ABCC5: variants seen among roughly 807,000 people sequenced by gnomAD.
The protein encoded by ABCC5 is ATP-binding cassette sub-family C member 5.
In ABCC5, 61 loss-of-function variants were observed where a neutral mutation model predicts 160.9. The observed-to-expected ratio is 0.38, with a 90% CI of 0.31 to 0.47. The LOEUF (loss-of-function observed/expected upper bound fraction) is 0.47. Among genes scored for constraint, ABCC5 ranks in the 20% least tolerant of loss-of-function variants. The probability of loss-of-function intolerance (pLI) is 0.99; values close to 1 mark genes in which losing one functional copy is unlikely to be tolerated. For synonymous variants in ABCC5, 666 were observed against 700.6 expected (o/e 0.95, Z 0.78); for missense variants, 1,308 against 1,813.3 (o/e 0.72, Z 5.06).
chr3:184,015,332 CA>C (rs1722099727), intron 1 of ABCC5, among the ~76,000 whole-genome samples: 1 of 152,138 alleles, frequency 6.6e-6, no homozygotes, highest in Non-Finnish European at 1.5e-5. Context: ...CATACTTCTC[CA>C]AAATGTTTCC....
At chr3:183,926,927 C>T (rs555153924) in intron 28 of ABCC5, among the ~76,000 whole-genome samples, 17 of 152,118 alleles carry the variant, frequency 1.1e-4, no homozygotes, top group African/African-American at 4.1e-4. Flanking sequence ...CGCCTGTAAT[C>T]CCAGCTACTC....
chr3:183,972,132 T>A, intron 10 of ABCC5: 5 of 860,096 alleles, frequency 5.8e-6, no homozygotes, highest in Non-Finnish European at 9.3e-6. Flanking sequence ...AGGGGCCTTA[T>A]CAATGACCCA....
At chr3:183,953,291 C>T in intron 17 of ABCC5, 21 bp from the exon 18 acceptor site, 1 of 1,580,758 alleles carries the variant, frequency 6.3e-7, no homozygotes, top group East Asian at 2.2e-5. Flanking sequence ...AAAAAAGAAA[C>T]ATGGACTCAG....
chr3:183,999,690 G>A (rs1486891659), intron 2 of ABCC5, among the ~76,000 whole-genome samples: 1 of 152,058 alleles, frequency 6.6e-6, no homozygotes, highest in Admixed American at 6.6e-5. Context: ...AAGGCAGGAG[G>A]ATCGCTTGAT....
chr3:183,963,490 G>T lies in ABCC5; in HGVS notation c.2130C>A (p.Asp710Glu). 6.2e-7 allele frequency: 1 copy of T among 1,614,238 alleles called. No individual in the cohort carries two copies. The highest frequency in any genetic ancestry group is 8.5e-7 in the Non-Finnish European group (1 of 1,180,042). The stretch of plus-strand genomic sequence containing the variant: ...CATGGGCATCTAAGGCACTGAGGGG[G>T]TCGTCCAGGATGTAGATGCTCCTGT... ...YSDRSIYILD[D>E]PLSALDAHVG... The change falls in exon 15 of 30, where the codon GAC becomes GAA. Residue 710 changes from aspartate to glutamate, a missense_variant. By Grantham distance (45) the Asp-to-Glu change is conservative (BLOSUM62 2). Around this residue, in one of 3 missense-constraint regions of ABCC5, gnomAD observed 1,142 missense variants for 1,527.1 expected, o/e 0.75. Transcript: ENST00000334444. This position sits in a 1 kb window ranked among gnomAD's most constrained non-coding sequence, Gnocchi z 4.6.
intron 16 of ABCC5, among the ~76,000 whole-genome samples, chr3:183,960,255 C>T (rs1352294858): frequency 6.6e-6 from 1 of 152,194 alleles, no homozygotes; most frequent in Non-Finnish European, 1.5e-5. Context: ...ATATTCTGGC[C>T]CTGCCCTAAT....
intron 26 of ABCC5, among the ~76,000 whole-genome samples, chr3:183,932,240 C>A (rs1713246559): frequency 6.6e-6 from 1 of 152,118 alleles, no homozygotes; most frequent in African/African-American, 2.4e-5. Flanking sequence ...AAATCTTATT[C>A]TGAGGTATGC....
intron 29 of ABCC5, among the ~76,000 whole-genome samples, chr3:183,922,990 C>T (rs56231354): frequency 0.033 from 4,995 of 152,254 alleles, 117 homozygotes; most frequent in Middle Eastern, 0.061. Context: ...CTCCAAACCC[C>T]TTTTAGTCTG....
Position 183,952,139 on chromosome 3 carries a change from C to T in ABCC5, c.2668-136G>A, listed in dbSNP as rs1169705491. On this transcript the variant is annotated intron_variant, in intron 18 of 29. Coordinates refer to ENST00000334444, the MANE Select transcript of ABCC5 (RefSeq NM_005688.4). ...CCTGGGACCTGGTCATGGCTTTGTC[C>T]ACCTCTTTTTTTTTTTTTTTTTTTT... 6.0e-6 allele frequency: 4 copies of T among 668,562 alleles called. No homozygotes were observed. In the Admixed American group the frequency reaches 1.3e-4, roughly 22 times the overall value. The allele number at this position is 668,562 out of a possible 1,614,324, so 41.4% of individuals were successfully genotyped here. A position where few individuals can be genotyped will look rare whatever the true frequency, so the allele number is the denominator to read the frequency against.
At chr3:183,927,914 T>A (rs1244641493) in intron 27 of ABCC5, 2 of 721,258 alleles carry the variant, frequency 2.8e-6, no homozygotes, top group African/African-American at 3.9e-5. Flanking sequence ...CTACTAATAG[T>A]TGAATTAGGG....
intron 2 of ABCC5, among the ~76,000 whole-genome samples, chr3:184,007,176 A>G (rs1231784929): frequency 6.6e-6 from 1 of 151,638 alleles, no homozygotes; most frequent in Non-Finnish European, 1.5e-5. Flanking sequence ...GCATGCCACC[A>G]TGCCCAGCTA....
At chr3:184,001,648 A>T (rs1720752118) in intron 2 of ABCC5, among the ~76,000 whole-genome samples, 1 of 152,164 alleles carries the variant, frequency 6.6e-6, no homozygotes, top group South Asian at 2.1e-4. Flanking sequence ...CACAACAAAG[A>T]ATTATGTGGC....
chr3:183,959,979 A>C, intron 16 of ABCC5, 144 bp from the exon 17 acceptor site: 1 of 565,984 alleles, frequency 1.8e-6, no homozygotes, highest in South Asian at 2.6e-5. Flanking sequence ...ACCTATACTC[A>C]TTTCTTGTAC....
At chr3:183,940,208 C>T (rs1214439008) in intron 25 of ABCC5, among the ~76,000 whole-genome samples, 4 of 152,116 alleles carry the variant, frequency 2.6e-5, no homozygotes, top group Admixed American at 2.0e-4. Context: ...AAATGAGTGA[C>T]TCCAGGCCGG....
chr3:183,948,994 G>A (rs974966154), intron 22 of ABCC5, among the ~76,000 whole-genome samples: 3 of 152,170 alleles, frequency 2.0e-5, no homozygotes, highest in Non-Finnish European at 4.4e-5. Context: ...GGGAGCCACT[G>A]TACCCAGCCT....
At chr3:183,998,681 C>CA (rs11429616) in intron 2 of ABCC5, among the ~76,000 whole-genome samples, 83,035 of 151,602 alleles carry the variant, frequency 0.55, 23,464 homozygotes, top group East Asian at 0.75. Context: ...TCAAAAAAAA[C>CA]AAAAAAACAA....
chr3:183,940,492 A>G (rs1196842268), intron 25 of ABCC5, among the ~76,000 whole-genome samples: 1 of 146,810 alleles, frequency 6.8e-6, no homozygotes, highest in Admixed American at 6.8e-5. Context: ...AAAAAAATGA[A>G]TGACTCTGTT....
At chr3:183,976,559 C>T (rs911298989) in intron 10 of ABCC5, among the ~76,000 whole-genome samples, 2 of 152,092 alleles carry the variant, frequency 1.3e-5, no homozygotes, top group African/African-American at 4.8e-5. Flanking sequence ...CCAGCCAGGA[C>T]TAGCTTTCTT....
At chr3:183,948,273 G>T (rs900630126) in intron 22 of ABCC5, among the ~76,000 whole-genome samples, 1 of 152,150 alleles carries the variant, frequency 6.6e-6, no homozygotes, top group Non-Finnish European at 1.5e-5. Context: ...AAATGCAATA[G>T]AAATAGGAAA....
Sources: allele counts gnomAD v4.1 joint callset (sites outside exome capture counted in the v4.1 genomes callset), GRCh38; gene constraint gnomAD v4.1.1; regional missense constraint gnomAD v4.1.1; non-coding constraint Gnocchi (gnomAD v3.1); transcripts MANE v1.5; gene names NCBI Gene and HGNC (gene_info 2026-07-23, HGNC 2026-07-21).